Variants in SORCS1 observed in about 807,000 individuals in gnomAD.
SORCS1 encodes VPS10 domain-containing receptor SorCS1.
In SORCS1, 60 loss-of-function variants were observed where a neutral mutation model predicts 146.1. The ratio of observed to expected loss-of-function variants is 0.41; its 90% CI spans 0.33 to 0.51. The LOEUF (loss-of-function observed/expected upper bound fraction) is 0.51. Among genes scored for constraint, SORCS1 ranks in the 20% least tolerant of loss-of-function variants. SORCS1 has a pLI of 0.21. For synonymous variants in SORCS1, 637 were observed against 584.0 expected, an observed-to-expected ratio of 1.09 and a Z score of -1.31; for missense variants, 1,352 against 1,487.6, an observed-to-expected ratio of 0.91 and a Z score of 1.50.
intron 1 of SORCS1, among the ~76,000 whole-genome samples, chr10:107,096,378 T>G (rs75757871): frequency 0.047 from 7,195 of 152,304 alleles, 547 homozygotes; most frequent in African/African-American, 0.16. Flanking sequence ...TTTCAACTTC[T>G]TTCACCTTGA....
At chr10:106,961,920 C>A (rs552837430) in intron 1 of SORCS1, among the ~76,000 whole-genome samples, 17 of 152,332 alleles carry the variant, frequency 1.1e-4, no homozygotes, top group African/African-American at 3.6e-4. Flanking sequence ...TGCCACTTAA[C>A]AAACCTGCTT....
chr10:106,798,378 T>G lies in SORCS1; in HGVS notation c.727-21686A>C, dbSNP rs568023055. ...TATGTATACATGTGTCATGTTGGTG[T>G]GCTGCACCTATTAACTTGTCATTTA... On this transcript the variant is annotated intron_variant, in intron 3 of 25. Coordinates refer to ENST00000263054, the MANE Select transcript of SORCS1 (RefSeq NM_052918.5). Among the ~76,000 whole-genome samples the G allele has an allele frequency of 1.6e-4, 25 of 152,332 alleles. No homozygotes were observed. The South Asian group carries it at 5.2e-3, about 32-fold the overall frequency.
intron 2 of SORCS1, among the ~76,000 whole-genome samples, chr10:106,893,021 A>G (rs1285404815): frequency 2.0e-5 from 3 of 150,914 alleles, no homozygotes; most frequent in Non-Finnish European, 4.4e-5. Flanking sequence ...CAGCCTCCCG[A>G]GTAGCTGGGG....
At chr10:106,776,340 G>A (rs1176914076) in intron 4 of SORCS1, among the ~76,000 whole-genome samples, 194 bp downstream of exon 4, 1 of 152,116 alleles carries the variant, frequency 6.6e-6, no homozygotes, top group East Asian at 1.9e-4. Flanking sequence ...TTTGGTAAGT[G>A]GTTTCAGATA....
chr10:106,596,286 A>G (rs1216370106), intron 24 of SORCS1, among the ~76,000 whole-genome samples: 1 of 152,224 alleles, frequency 6.6e-6, no homozygotes, highest in Non-Finnish European at 1.5e-5. Context: ...CAACCAGGTT[A>G]TAAGTTTTGT....
At chr10:106,780,789 G>T (rs1345321212) in intron 3 of SORCS1, among the ~76,000 whole-genome samples, 1 of 152,092 alleles carries the variant, frequency 6.6e-6, no homozygotes, top group African/African-American at 2.4e-5. Flanking sequence ...AGGGTGTGCC[G>T]ACTGACTGCA....
chr10:106,814,664 C>T (rs1434661568), intron 3 of SORCS1, among the ~76,000 whole-genome samples: 9 of 152,040 alleles, frequency 5.9e-5, no homozygotes, highest in Non-Finnish European at 2.9e-5. Context: ...CCTGTAATCC[C>T]AGCACTTTGG....
intron 3 of SORCS1, among the ~76,000 whole-genome samples, chr10:106,807,011 T>C (rs574553964): frequency 1.1e-3 from 168 of 152,288 alleles, no homozygotes; most frequent in Non-Finnish European, 2.1e-3. Flanking sequence ...GCACATATGT[T>C]CACCATCCTA....
At chr10:106,741,521 C>T (rs1298929627) in intron 5 of SORCS1, among the ~76,000 whole-genome samples, 1 of 152,026 alleles carries the variant, frequency 6.6e-6, no homozygotes, top group Non-Finnish European at 1.5e-5. Context: ...TCACCTGAAC[C>T]CAGGAAGCAG....
chr10:106,935,312 T>C (rs956510194), intron 2 of SORCS1, among the ~76,000 whole-genome samples: 5 of 152,140 alleles, frequency 3.3e-5, no homozygotes, highest in Admixed American at 6.5e-5. Context: ...TTATCCCTAA[T>C]ATAGAATATA....
rs578204291 is a variant in SORCS1, at chr10:107,060,907, C to T, written c.558+103062G>A. On this transcript the variant is annotated intron_variant, in intron 1 of 25. Transcript: ENST00000263054. The surrounding 1 kb of genome is among the most constrained non-coding windows in gnomAD (Gnocchi z 4.1). ...CTTAAAAATTCTCAATAAATGTGTA[C>T]TGAATGAAGTCCTCACATTTTCAAA... Among the ~76,000 whole-genome samples the T allele has an allele frequency of 6.6e-6, 1 of 152,184 alleles. No individual in the cohort carries two copies. Among genetic ancestry groups the T allele is most frequent in the African/African-American group, 2.4e-5 (1 of 41,532 alleles).
rs1947043772 is a variant in SORCS1 at position 106,804,071 on chromosome 10, T to A, written c.726+25503A>T. On this transcript the variant is annotated intron_variant, in intron 3 of 25. Transcript: ENST00000263054. ...TGAGTGTTTCATTAGAAAGAGGAAG[T>A]CAGTTGGGCAAGCCACAGGTAATCT... Among the ~76,000 whole-genome samples the A allele has an allele frequency of 2.0e-5, 3 of 152,076 alleles. No homozygotes were observed. In the South Asian group the frequency reaches 6.2e-4, roughly 32 times the overall value.
intron 10 of SORCS1, among the ~76,000 whole-genome samples, chr10:106,686,227 G>T (rs778410281): frequency 1.3e-5 from 2 of 152,178 alleles, no homozygotes; most frequent in Non-Finnish European, 2.9e-5. Flanking sequence ...GCTTGGATTA[G>T]GGCAGTCCCA....
At chr10:106,657,661 A>ATGTGTGTGTGTGTGTGTGTG (rs10561308) in intron 17 of SORCS1, among the ~76,000 whole-genome samples, 1 of 145,294 alleles carries the variant, frequency 6.9e-6, no homozygotes, top group Admixed American at 7.0e-5. Flanking sequence ...ATAACACTAT[A>ATGTGTGTGTGTGTGTGTGTG]TGTGTGTGTG....
intron 1 of SORCS1, among the ~76,000 whole-genome samples, chr10:106,977,930 G>T (rs190169986): frequency 1.7e-3 from 266 of 152,266 alleles, no homozygotes; most frequent in African/African-American, 6.2e-3. Context: ...GTTCGAGTGC[G>T]CATGATATGT....
chr10:106,746,139 C>T (rs903075387), intron 5 of SORCS1, among the ~76,000 whole-genome samples: 1 of 151,818 alleles, frequency 6.6e-6, no homozygotes, highest in East Asian at 1.9e-4. Context: ...TGGATTGTAC[C>T]CTGGGTCAGG....
At chr10:106,865,324 G>A (rs1950188943) in intron 2 of SORCS1, among the ~76,000 whole-genome samples, 1 of 152,218 alleles carries the variant, frequency 6.6e-6, no homozygotes, top group South Asian at 2.1e-4. Context: ...AGCCATGTTT[G>A]TGGTTTTGCA....
At chr10:106,789,126 C>T (rs1017374997) in intron 3 of SORCS1, among the ~76,000 whole-genome samples, 1 of 152,110 alleles carries the variant, frequency 6.6e-6, no homozygotes, top group Non-Finnish European at 1.5e-5. Context: ...TTCAGCCACG[C>T]CTGCGACAGA....
chr10:106,942,389 G>A (rs1461828437), intron 2 of SORCS1, among the ~76,000 whole-genome samples: 1 of 151,952 alleles, frequency 6.6e-6, no homozygotes, highest in East Asian at 1.9e-4. Flanking sequence ...CTTCCTCCTG[G>A]AATCATAACC....
Sources: allele counts gnomAD v4.1 joint callset (sites outside exome capture counted in the v4.1 genomes callset), GRCh38; gene constraint gnomAD v4.1.1; non-coding constraint Gnocchi (gnomAD v3.1); transcripts MANE v1.5; gene names NCBI Gene and HGNC (gene_info 2026-07-23, HGNC 2026-07-21).